ABCB5: variants seen among roughly 807,000 people sequenced by gnomAD.
ABCB5 encodes the protein ATP binding cassette subfamily B member 5.
In ABCB5, 155 loss-of-function variants were observed where a neutral mutation model predicts 144.2. The ratio of observed to expected loss-of-function variants is 1.08; its 90% CI spans 0.94 to 1.23. The LOEUF is 1.23. Among genes scored for constraint, ABCB5 ranks in the 50% most tolerant of loss-of-function variants. The pLI, the probability that ABCB5 is intolerant of heterozygous loss-of-function variation, is 0.00. For missense variants in ABCB5, 1,830 were observed against 1,520.8 expected (o/e 1.20, Z -3.38); for synonymous variants, 610 against 528.6 (o/e 1.15, Z -2.11).
chr7:20,712,547 T>C (rs1258919696), intron 20 of ABCB5, among the ~76,000 whole-genome samples: 2 of 149,766 alleles, frequency 1.3e-5, no homozygotes, highest in Non-Finnish European at 3.0e-5. Context: ...ATCTCAGCAA[T>C]GCTTTGTTCA....
intron 5 of ABCB5, among the ~76,000 whole-genome samples, chr7:20,640,878 T>C (rs1410718108): frequency 6.6e-6 from 1 of 152,226 alleles, no homozygotes; most frequent in Non-Finnish European, 1.5e-5. Context: ...CACTGGCCTC[T>C]TGGCAGATTC....
chr7:20,637,601 G>A (rs1247480531), intron 5 of ABCB5, among the ~76,000 whole-genome samples: 1 of 151,960 alleles, frequency 6.6e-6, no homozygotes, highest in African/African-American at 2.4e-5. Context: ...TGTATTTTTA[G>A]TAGAAATGGG....
At chr7:20,698,572 A>T in intron 17 of ABCB5, 22 bp downstream of exon 17, 1 of 1,572,440 alleles carries the variant, frequency 6.4e-7, no homozygotes, top group Non-Finnish European at 8.6e-7. Flanking sequence ...AAATTTGCTA[A>T]TACTTTCAGC....
rs191268728 is a variant in ABCB5 at position 20,619,789 on chromosome 7, C to G, written c.-21-3476C>G. Among the ~76,000 whole-genome samples the G allele has an allele frequency of 3.0e-3, 461 of 152,218 alleles. 11 individuals carry two copies. Among genetic ancestry groups the G allele is most frequent in the Admixed American group, 0.028 (424 of 15,278 alleles). ...ACAAGGATATTTCTTAAGTTTTCTT[C>G]CAGGGTTTTTATAGTTTCAGGTTTT... On this transcript the variant is annotated intron_variant, in intron 1 of 27. Transcript: ENST00000404938.
At chr7:20,698,875 T>C (rs989126702) in intron 17 of ABCB5, among the ~76,000 whole-genome samples, 1 of 152,122 alleles carries the variant, frequency 6.6e-6, no homozygotes. Context: ...TTTCAATTAG[T>C]GGGTATAGTT....
chr7:20,732,462 G>A (rs574546021), intron 23 of ABCB5, among the ~76,000 whole-genome samples: 96 of 152,260 alleles, frequency 6.3e-4, no homozygotes, highest in African/African-American at 2.2e-3. Flanking sequence ...GTTCACTGAT[G>A]TTTCCCAAAA....
rs1238145045 is a variant in ABCB5, at chr7:20,648,047, C to A, written c.1175C>A (p.Ser392Tyr). Reference sequence around the variant, plus strand: ...GGAACTGTGGAATTTAAAAATGTTTCTTTCAATTATCCATCAAGACCATCT... The same window carrying A: ...GGAACTGTGGAATTTAAAAATGTTTATTTCAATTATCCATCAAGACCATCT... ...IEGTVEFKNV[S>Y]FNYPSRPSIK... The change falls in exon 11 of 28, where the codon TCT becomes TAT. Residue 392 changes from serine (S) to tyrosine (Y), a missense_variant. Coordinates refer to ENST00000404938, the MANE Select transcript of ABCB5 (RefSeq NM_001163941.2). 6.2e-7 allele frequency: 1 copy of A among 1,609,016 alleles called. No homozygotes were observed. Among genetic ancestry groups the A allele is most frequent in the Non-Finnish European group, 8.5e-7 (1 of 1,176,202 alleles).
intron 16 of ABCB5, among the ~76,000 whole-genome samples, chr7:20,694,391 A>G (rs956861116): frequency 6.6e-6 from 1 of 152,112 alleles, no homozygotes; most frequent in African/African-American, 2.4e-5. Context: ...CAATCAATGC[A>G]GAAAACCCAT....
intron 1 of ABCB5, 102 bp from the exon 2 acceptor site, chr7:20,623,163 C>T (rs1483829636): frequency 1.4e-6 from 1 of 736,932 alleles, no homozygotes. Flanking sequence ...GAGATGCTTC[C>T]TTTTTCAAAC....
chr7:20,651,752 C>G (rs1262853856), intron 13 of ABCB5, 129 bp downstream of exon 13: 1 of 950,044 alleles, frequency 1.1e-6, no homozygotes. Flanking sequence ...TGTCCTAGAA[C>G]AAGCTTGTCC....
intron 14 of ABCB5, among the ~76,000 whole-genome samples, chr7:20,667,728 CCTGCCT>C (rs1562551087): frequency 6.7e-4 from 49 of 72,792 alleles, no homozygotes; most frequent in Non-Finnish European, 7.9e-4. Flanking sequence ...TGCCCCTGCC[CCTGCCT>C]CTGCCTCTGC....
intron 7 of ABCB5, among the ~76,000 whole-genome samples, chr7:20,644,697 G>T (rs1490445581): frequency 6.6e-6 from 1 of 152,106 alleles, no homozygotes; most frequent in African/African-American, 2.4e-5. Context: ...TTTAAATTTG[G>T]CAACACTAAT....
intron 16 of ABCB5, among the ~76,000 whole-genome samples, chr7:20,689,139 T>C (rs1786118106): frequency 6.6e-6 from 1 of 151,884 alleles, no homozygotes; most frequent in Admixed American, 6.6e-5. Context: ...ATAATAATAA[T>C]AAAAGAAAGT....
chr7:20,737,639 ACCAGGTCT>A (rs1165334636), intron 23 of ABCB5, among the ~76,000 whole-genome samples: 3 of 152,186 alleles, frequency 2.0e-5, no homozygotes, highest in Non-Finnish European at 1.5e-5. Flanking sequence ...GGGACTAGAA[ACCAGGTCT>A]CCTAACTCAT....
At chr7:20,643,724 C>T (rs1476524415) in intron 7 of ABCB5, 92 bp downstream of exon 7, 9 of 1,383,088 alleles carry the variant, frequency 6.5e-6, no homozygotes, top group Admixed American at 2.1e-5. Flanking sequence ...TTTCTATTCA[C>T]TTGCCATGTC....
At chr7:20,652,706 G>A (rs1479543263) in intron 13 of ABCB5, among the ~76,000 whole-genome samples, 1 of 152,124 alleles carries the variant, frequency 6.6e-6, no homozygotes, top group East Asian at 1.9e-4. Context: ...AATTAATGGG[G>A]TGCTGTAAAG....
At chr7:20,660,417 G>A in intron 14 of ABCB5, 1 of 985,234 alleles carries the variant, frequency 1.0e-6, no homozygotes, top group Non-Finnish European at 1.2e-6. Context: ...CTTTATGTAT[G>A]GTTTGCTGGG....
At chr7:20,705,053 G>A (rs185797336) in intron 20 of ABCB5, among the ~76,000 whole-genome samples, 4 of 152,250 alleles carry the variant, frequency 2.6e-5, no homozygotes, top group Admixed American at 1.3e-4. Flanking sequence ...GAGGACTAAA[G>A]AAGAGACCAA....
At chr7:20,685,105 T>A (rs1375557031) in intron 15 of ABCB5, among the ~76,000 whole-genome samples, 3 of 152,202 alleles carry the variant, frequency 2.0e-5, no homozygotes, top group African/African-American at 7.2e-5. Context: ...CACGTCTCGG[T>A]TTCCCAAAGT....
Sources: gnomAD v4.1 joint callset for allele counts (sites outside exome capture counted in the v4.1 genomes callset) on GRCh38, gnomAD v4.1.1 for gene constraint, MANE v1.5 for transcripts, NCBI Gene and HGNC (gene_info 2026-07-23, HGNC 2026-07-21) for gene names.